The following ANKRD30A variants were observed in gnomAD, a reference collection of about 807,000 sequenced individuals.
The protein encoded by ANKRD30A is ankyrin repeat domain-containing protein 30A.
ANKRD30A carries 170 observed loss-of-function variants against 166.3 expected under a neutral mutation model. The ratio of observed to expected loss-of-function variants is 1.02; its 90% CI spans 0.90 to 1.16. ANKRD30A has a LOEUF of 1.16. Among genes scored for constraint, ANKRD30A ranks in the 50% most tolerant of loss-of-function variants. The pLI, the probability that ANKRD30A is intolerant of heterozygous loss-of-function variation, is 0.00. For synonymous variants in ANKRD30A, 564 were observed against 508.9 expected (o/e 1.11, Z -1.46); for missense variants, 1,630 against 1,518.0 (o/e 1.07, Z -1.23).
chr10:37,179,497 G>A (rs1588872691), intron 24 of ANKRD30A, among the ~76,000 whole-genome samples: 2 of 150,750 alleles, frequency 1.3e-5, no homozygotes, highest in East Asian at 3.9e-4. Context: ...TACATTATGG[G>A]AATGAATACC....
the ANKRD30A span, among the ~76,000 whole-genome samples, chr10:37,255,405 A>AAT: frequency 3.3e-5 from 5 of 152,170 alleles, no homozygotes; most frequent in South Asian, 2.1e-4. Context: ...GTACTCTGTA[A>AAT]ATATATACAA....
Position 37,149,855 on chromosome 10 carries a change from T to C in ANKRD30A, c.1645+6T>C. On this transcript the variant is annotated splice_donor_region_variant and intron_variant, in intron 11 of 35. Coordinates refer to ENST00000361713, the MANE Select transcript of ANKRD30A (RefSeq NM_052997.3). ...TGAACAAACATTGAGAGCAGGTAAA[T>C]TTTTCAATTTAACTATGCAAAGACG... The C allele has an allele frequency of 6.2e-7, 1 of 1,612,436 alleles. No homozygotes were observed. The highest frequency in any genetic ancestry group is 8.5e-7 in the Non-Finnish European group (1 of 1,178,912).
chr10:37,196,091 C>CTTTT (rs1554823840), intron 27 of ANKRD30A, among the ~76,000 whole-genome samples: 2 of 115,618 alleles, frequency 1.7e-5, no homozygotes, highest in African/African-American at 6.1e-5. Context: ...TTTATATTTT[C>CTTTT]TATTTTTTTT....
At chr10:37,196,093 A>ATTTAT (rs1554823849) in intron 27 of ANKRD30A, among the ~76,000 whole-genome samples, 7,251 of 129,386 alleles carry the variant, frequency 0.056, 252 homozygotes, top group Middle Eastern at 0.088. Flanking sequence ...TATATTTTCT[A>ATTTAT]TTTTTTTTTT....
At position 37,219,161 on chromosome 10, in the gene ANKRD30A, TA is replaced by T. The variant is rs760778504; in HGVS notation, c.3453del (p.Lys1151AsnfsTer2). On this transcript the variant is annotated frameshift_variant, in exon 34 of 36. Coordinates refer to ENST00000361713, the MANE Select transcript of ANKRD30A (RefSeq NM_052997.3). LOFTEE classifies it high-confidence loss of function. ...AAGAATGCTGAACTTCAGATGACCC[TA>T]AAACTGAAAGAGGAATCATTAACTA... The part of the protein sequence containing the change: ...KEKNAELQMT[L>X]KLKEESLTKR... The T allele has an allele frequency of 8.6e-5, 138 of 1,610,394 alleles. No homozygotes were observed. The Middle Eastern group carries it at 1.7e-3, about 19-fold the overall frequency.
chr10:37,179,476 C>T (rs1356254327), intron 24 of ANKRD30A, among the ~76,000 whole-genome samples: 2 of 150,988 alleles, frequency 1.3e-5, no homozygotes, highest in Non-Finnish European at 3.0e-5. Flanking sequence ...AAAATGTTGG[C>T]ATACTATTCC....
intron 9 of ANKRD30A, among the ~76,000 whole-genome samples, chr10:37,148,794 A>G (rs1837696420): frequency 6.6e-6 from 1 of 152,088 alleles, no homozygotes; most frequent in East Asian, 1.9e-4. Context: ...TTATATTTTA[A>G]GAAAGTGAGT....
chr10:37,127,046 C>CAAAAATAAAAAAAAAAAA (rs1836071223), intron 1 of ANKRD30A, among the ~76,000 whole-genome samples: 1 of 16,504 alleles, frequency 6.1e-5, no homozygotes, highest in African/African-American at 3.4e-4. Context: ...AACTCTGTCT[C>CAAAAATAAAAAAAAAAAA]AAAAAAAAAA....
At chr10:37,129,677 C>T (rs1588739077) in intron 1 of ANKRD30A, among the ~76,000 whole-genome samples, 1 of 152,144 alleles carries the variant, frequency 6.6e-6, no homozygotes, top group East Asian at 1.9e-4. Flanking sequence ...GAACTGAATC[C>T]AAAGGCCAAG....
chr10:37,202,121 A>G (rs113540698), intron 31 of ANKRD30A, among the ~76,000 whole-genome samples: 2 of 152,126 alleles, frequency 1.3e-5, no homozygotes, highest in Non-Finnish European at 2.9e-5. Flanking sequence ...GCAATTGAAT[A>G]GAAGGTCAGG....
chr10:37,164,765 A>T (rs560402852), intron 17 of ANKRD30A, among the ~76,000 whole-genome samples: 1 of 152,236 alleles, frequency 6.6e-6, no homozygotes, highest in Admixed American at 6.5e-5. Flanking sequence ...ATGATAGGTA[A>T]TTACAGTTTT....
At chr10:37,147,116 A>G (rs2132546060) in intron 8 of ANKRD30A, among the ~76,000 whole-genome samples, 1 of 152,376 alleles carries the variant, frequency 6.6e-6, no homozygotes, top group East Asian at 1.9e-4. Flanking sequence ...CAGATGAGTG[A>G]AAATTTTTGT....
intron 27 of ANKRD30A, among the ~76,000 whole-genome samples, chr10:37,194,366 TG>T (rs1840877700): frequency 2.6e-5 from 4 of 152,036 alleles, no homozygotes; most frequent in Admixed American, 1.3e-4. Flanking sequence ...GTTTTGTTTT[TG>T]TTTTTTTGAG....
chr10:37,249,343 T>A, the ANKRD30A span, among the ~76,000 whole-genome samples: 1 of 152,174 alleles, frequency 6.6e-6, no homozygotes, highest in Non-Finnish European at 1.5e-5. Context: ...CCCATTTTCA[T>A]TGGATTATTT....
At chr10:37,234,291 A>C (rs1369427361), downstream of ANKRD30A, among the ~76,000 whole-genome samples, 1 of 152,162 alleles carries the variant, frequency 6.6e-6, no homozygotes, top group East Asian at 1.9e-4. Flanking sequence ...GAATTTTATA[A>C]TTTGATTGGT....
At chr10:37,236,715 T>G (rs1186218275), downstream of ANKRD30A, among the ~76,000 whole-genome samples, 1 of 152,200 alleles carries the variant, frequency 6.6e-6, no homozygotes, top group African/African-American at 2.4e-5. Context: ...TGACAAGAGG[T>G]TAGATAGAAG....
intron 3 of ANKRD30A, 75 bp from the exon 4 acceptor site, chr10:37,132,165 A>C: frequency 9.9e-7 from 1 of 1,014,244 alleles, no homozygotes; most frequent in Non-Finnish European, 1.4e-6. Flanking sequence ...AGTTCATAAG[A>C]TATTATATAA....
Position 37,197,454 on chromosome 10 carries a change from T to C in ANKRD30A, c.2690T>C (p.Leu897Ser). The change falls in exon 29 of 36, where the codon TTG (leucine) becomes TCG (serine). Residue 897 changes from leucine (L) to serine (S), a missense_variant. Leu to Ser is a moderately radical substitution (Grantham distance 145, BLOSUM62 -2). Around this residue, in one of 4 missense-constraint regions of ANKRD30A, gnomAD observed 712 missense variants for 629.3 expected, o/e 1.13. Transcript: ENST00000361713. ...TCTGTTCCAAATAAAGCCTTGGAAT[T>C]GAAGAATGAACAAACATTGAGAGCA... Reference protein sequence around the residue: ...QKSVPNKALELKNEQTLRADQ... With the variant: ...QKSVPNKALESKNEQTLRADQ... 1 of 1,612,514 alleles carries C rather than the reference T, an allele frequency of 6.2e-7. No homozygotes were observed. The highest frequency in any genetic ancestry group is 8.5e-7 in the Non-Finnish European group (1 of 1,179,680).
Position 37,125,824 on chromosome 10 carries a change from C to A in ANKRD30A, c.37C>A (p.Pro13Thr). ...CTCTGCCGCCGCTGTCAAGGTCGTG[C>A]CGGGCCCGGAGCGCCCGAGCCCTTT... is the stretch of plus-strand genomic sequence containing the variant. ...EISAAAVKVV[P>T]GPERPSPFSQ... is the part of the protein sequence containing the mutation. The change falls in exon 1 of 36, where the codon CCG becomes ACG. Residue 13 changes from proline to threonine, a missense_variant. By Grantham distance (38) the Pro-to-Thr change is conservative. Coordinates refer to ENST00000361713, the MANE Select transcript of ANKRD30A (RefSeq NM_052997.3). 1 of 884,828 alleles carries A rather than the reference C, an allele frequency of 1.1e-6. No homozygotes were observed. The highest frequency in any genetic ancestry group is 1.8e-6 in the Non-Finnish European group (1 of 563,398). 54.8% of individuals were successfully genotyped at this position (884,828 alleles called of 1,614,324 possible).
Sources: allele counts gnomAD v4.1 joint callset (sites outside exome capture counted in the v4.1 genomes callset), GRCh38; gene constraint gnomAD v4.1.1; regional missense constraint gnomAD v4.1.1; transcripts MANE v1.5; gene names NCBI Gene and HGNC (gene_info 2026-07-23, HGNC 2026-07-21).